COMMD10: variants seen among roughly 807,000 people sequenced by gnomAD.
COMMD10 encodes COMM domain-containing protein 10.
COMMD10 carries 33 observed loss-of-function variants against 28.9 expected under a neutral mutation model. The ratio of observed to expected loss-of-function variants is 1.14; its 90% CI spans 0.87 to 1.53. The LOEUF (loss-of-function observed/expected upper bound fraction) is 1.53. COMMD10 is among the 40% of genes most tolerant of loss of function. The probability of loss-of-function intolerance (pLI) is 0.00; values close to 1 mark genes in which losing one functional copy is unlikely to be tolerated. For missense variants in COMMD10, 310 were observed against 233.4 expected, an observed-to-expected ratio of 1.33 and a Z score of -2.14; for synonymous variants, 110 against 81.7, an observed-to-expected ratio of 1.35 and a Z score of -1.87.
At chr5:116,158,786 G>T (rs1240791028) in intron 5 of COMMD10, among the ~76,000 whole-genome samples, 1 of 151,454 alleles carries the variant, frequency 6.6e-6, no homozygotes, top group Non-Finnish European at 1.5e-5. Context: ...TGGATTTGAG[G>T]ATCCACATCT....
intron 5 of COMMD10, among the ~76,000 whole-genome samples, chr5:116,146,772 A>G (rs2112545188): frequency 6.6e-6 from 1 of 151,992 alleles, no homozygotes; most frequent in South Asian, 2.1e-4. Context: ...ATGAAGAGGA[A>G]GAATACTTGT....
At chr5:116,291,468 T>C (rs1224594606) in intron 5 of COMMD10, 49 bp from the exon 6 acceptor site, 1 of 1,256,156 alleles carries the variant, frequency 8.0e-7, no homozygotes, top group Non-Finnish European at 1.2e-6. Context: ...AAAAATGTGA[T>C]GTAAATTGTG....
intron 4 of COMMD10, among the ~76,000 whole-genome samples, chr5:116,131,623 A>C (rs1180057783): frequency 6.6e-6 from 1 of 151,866 alleles, no homozygotes; most frequent in Non-Finnish European, 1.5e-5. Context: ...TTTAGTGTTG[A>C]CTCTGTCAGA....
chr5:116,089,166 T>C (rs1021353473), intron 2 of COMMD10, among the ~76,000 whole-genome samples: 23 of 152,218 alleles, frequency 1.5e-4, no homozygotes, highest in African/African-American at 5.3e-4. Context: ...ACTGTTGTGG[T>C]GCTAATGGCT....
chr5:116,237,018 C>T (rs549473719), intron 5 of COMMD10, among the ~76,000 whole-genome samples: 2 of 152,002 alleles, frequency 1.3e-5, no homozygotes, highest in African/African-American at 2.4e-5. Context: ...TGGGGGTATG[C>T]AAATTGCAAT....
At chr5:116,194,575 G>A (rs949788184) in intron 5 of COMMD10, among the ~76,000 whole-genome samples, 2 of 152,024 alleles carry the variant, frequency 1.3e-5, no homozygotes, top group Non-Finnish European at 2.9e-5. Flanking sequence ...AAGAAGAGAT[G>A]GATAAATTCC....
At chr5:116,190,403 G>T (rs189160161) in intron 5 of COMMD10, among the ~76,000 whole-genome samples, 59 of 152,138 alleles carry the variant, frequency 3.9e-4, no homozygotes, top group African/African-American at 1.4e-3. Context: ...CAAAATAATT[G>T]TATGTGCATT....
rs56095786 is a variant in COMMD10 at position 116,293,014 on chromosome 5, A to G, written c.*525A>G. The G allele has an allele frequency of 7.5e-6, 3 of 397,412 alleles. No individual in the cohort carries two copies. Among genetic ancestry groups the G allele is most frequent in the Non-Finnish European group, 1.3e-5 (3 of 225,270 alleles). The allele number at this position is 397,412 out of a possible 1,614,324, so 24.6% of individuals were successfully genotyped here. ...AGGAAGGAAATGTAAAATAGTGAGTAGTATGGTATCAGTTAATTCCAGTCT... is the reference window on the plus strand; with the variant it reads ...AGGAAGGAAATGTAAAATAGTGAGTGGTATGGTATCAGTTAATTCCAGTCT... On this transcript the variant is annotated 3_prime_UTR_variant, in exon 7 of 7. Coordinates refer to ENST00000274458, the MANE Select transcript of COMMD10 (RefSeq NM_016144.4).
chr5:116,233,437 A>T (rs1580568941), intron 5 of COMMD10, among the ~76,000 whole-genome samples: 1 of 152,140 alleles, frequency 6.6e-6, no homozygotes, highest in Non-Finnish European at 1.5e-5. Context: ...GATAAGGGGG[A>T]ACTATACATA....
intron 5 of COMMD10, among the ~76,000 whole-genome samples, chr5:116,208,463 T>C (rs536709078): frequency 2.6e-5 from 4 of 152,272 alleles, no homozygotes; most frequent in Non-Finnish European, 4.4e-5. Context: ...TGAACAGTTA[T>C]TCCCTCCTTG....
At chr5:116,217,760 G>A (rs1749142127) in intron 5 of COMMD10, among the ~76,000 whole-genome samples, 1 of 152,052 alleles carries the variant, frequency 6.6e-6, no homozygotes, top group South Asian at 2.1e-4. Flanking sequence ...CAAAGTCGCG[G>A]AATCCCTCCT....
Position 116,134,163 on chromosome 5 carries a change from C to A in COMMD10, c.495C>A (p.Asn165Lys), listed in dbSNP as rs1431877121. ...SPQAVLQLGVNNEDSKSLEKV... is the reference protein window; with the variant it reads ...SPQAVLQLGVKNEDSKSLEKV... ...AAGCTGTGTTACAACTCGGAGTGAA[C>A]AATGAAGATTCAAAGGTAAGAAATG... The change falls in exon 5 of 7, where the codon AAC (asparagine) becomes AAA (lysine). Residue 165 changes from asparagine (N) to lysine (K), a missense_variant. Physicochemically the swap from Asn to Lys is moderately conservative, Grantham distance 94. Transcript: ENST00000274458. The A allele has an allele frequency of 6.3e-7, 1 of 1,596,334 alleles. No homozygotes were observed.
intron 5 of COMMD10, among the ~76,000 whole-genome samples, chr5:116,285,995 C>T (rs1751209847): frequency 1.3e-5 from 2 of 151,782 alleles, no homozygotes; most frequent in East Asian, 1.9e-4. Context: ...TGGTCCTGGG[C>T]ATTTCTTTGT....
chr5:116,234,671 T>C (rs1419594135), intron 5 of COMMD10, among the ~76,000 whole-genome samples: 1 of 152,222 alleles, frequency 6.6e-6, no homozygotes, highest in African/African-American at 2.4e-5. Context: ...GCAACTGCAT[T>C]CATCTGTAAA....
chr5:116,133,612 C>T (rs1409180212), intron 4 of COMMD10, among the ~76,000 whole-genome samples: 1 of 152,096 alleles, frequency 6.6e-6, no homozygotes, highest in Non-Finnish European at 1.5e-5. Context: ...GCAAATCTTA[C>T]CTGTATAGTA....
chr5:116,115,349 C>T (rs1179549413), intron 4 of COMMD10, among the ~76,000 whole-genome samples: 1 of 152,144 alleles, frequency 6.6e-6, no homozygotes, highest in African/African-American at 2.4e-5. Context: ...TGCCAGCCTG[C>T]CCTGTCCACA....
At chr5:116,176,816 G>A (rs1753528120) in intron 5 of COMMD10, among the ~76,000 whole-genome samples, 1 of 152,090 alleles carries the variant, frequency 6.6e-6, no homozygotes, top group Admixed American at 6.6e-5. Flanking sequence ...TTAAACAGGG[G>A]AAGTTTAATA....
chr5:116,200,310 G>A (rs1023986564), intron 5 of COMMD10, among the ~76,000 whole-genome samples: 1 of 151,900 alleles, frequency 6.6e-6, no homozygotes, highest in African/African-American at 2.4e-5. Context: ...TTGCTCCTCT[G>A]TAAGTAAGGT....
chr5:116,274,250 C>A (rs1450583289), intron 5 of COMMD10, among the ~76,000 whole-genome samples: 1 of 151,862 alleles, frequency 6.6e-6, no homozygotes, highest in Non-Finnish European at 1.5e-5. Context: ...CTTATTAGGT[C>A]ACTTTTGGTA....
Sources: allele counts gnomAD v4.1 joint callset (sites outside exome capture counted in the v4.1 genomes callset), GRCh38; gene constraint gnomAD v4.1.1; transcripts MANE v1.5; gene names NCBI Gene and HGNC (gene_info 2026-07-23, HGNC 2026-07-21).